The following EML5 variants were observed in gnomAD, a reference collection of about 807,000 sequenced individuals.
The protein encoded by EML5 is echinoderm microtubule-associated protein-like 5.
Under a neutral mutation model 250.0 loss-of-function variants are expected in EML5, and 120 were observed. The ratio of observed to expected loss-of-function variants is 0.48; its 90% CI spans 0.41 to 0.56. The LOEUF (loss-of-function observed/expected upper bound fraction) is 0.56, where lower values mean the gene tolerates loss of function less well. Among genes scored for constraint, EML5 ranks in the 20% least tolerant of loss-of-function variants. The pLI, the probability that EML5 is intolerant of heterozygous loss-of-function variation, is 0.00. For synonymous variants in EML5, 771 were observed against 806.5 expected (o/e 0.96, Z 0.75); for missense variants, 2,006 against 2,437.6 (o/e 0.82, Z 3.73).
chr14:88,699,930 G>A (rs2093168791), intron 14 of EML5, among the ~76,000 whole-genome samples: 1 of 152,066 alleles, frequency 6.6e-6, no homozygotes, highest in Non-Finnish European at 1.5e-5. Context: ...CTAAATCAGT[G>A]TATTTTTAGT....
rs771757390 is a variant in EML5 at position 88,688,482 on chromosome 14, C to CA, written c.2540-10dup. On this transcript the variant is annotated splice_polypyrimidine_tract_variant and intron_variant, in intron 17 of 43. Transcript: ENST00000554922. ...TCCAATCAATCCTCCCCCTAGTTCA[C>CA]AAAAAATATTATGAAAGTACCACTT... The CA allele has an allele frequency of 1.9e-5, 30 of 1,610,036 alleles. No homozygotes were observed. In the South Asian group the frequency reaches 1.9e-4, roughly 10 times the overall value.
intron 28 of EML5, 103 bp from the exon 29 acceptor site, chr14:88,647,058 G>C: frequency 9.0e-7 from 1 of 1,117,234 alleles, no homozygotes; most frequent in Non-Finnish European, 1.3e-6. Flanking sequence ...CAAGTTTAAT[G>C]CAGACAGCTA....
chr14:88,706,506 A>T (rs1486254089), intron 10 of EML5, 80 bp from the exon 11 acceptor site: 6 of 1,052,276 alleles, frequency 5.7e-6, no homozygotes, highest in Non-Finnish European at 7.8e-6. Flanking sequence ...TATATGAACC[A>T]CTGTATCATC....
At chr14:88,789,295 C>T (rs1233111247) in intron 1 of EML5, among the ~76,000 whole-genome samples, 1 of 151,832 alleles carries the variant, frequency 6.6e-6, no homozygotes, top group African/African-American at 2.4e-5. Context: ...AGAAAAAGAA[C>T]AAAAAAGTGA....
intron 7 of EML5, among the ~76,000 whole-genome samples, chr14:88,726,940 C>T (rs939862039): frequency 6.6e-6 from 1 of 152,146 alleles, no homozygotes; most frequent in African/African-American, 2.4e-5. Context: ...GTGATCATAG[C>T]TTACTATAAC....
At chr14:88,704,804 G>T in intron 13 of EML5, 56 bp downstream of exon 13, 1 of 1,277,588 alleles carries the variant, frequency 7.8e-7, no homozygotes, top group Non-Finnish European at 1.1e-6. Context: ...GAGATGTTAA[G>T]CTAGTAAGTG....
chr14:88,699,297 A>C (rs1400062678), intron 14 of EML5, among the ~76,000 whole-genome samples: 1 of 152,124 alleles, frequency 6.6e-6, no homozygotes, highest in Non-Finnish European at 1.5e-5. Flanking sequence ...AGAAGGCAAA[A>C]AAATAGTTTA....
rs116202825 is a variant in EML5 at position 88,783,903 on chromosome 14, G to A, written c.197+8404C>T. 5.7e-3 allele frequency among the ~76,000 whole-genome samples: 862 copies of A among 152,330 alleles called. 7 individuals are homozygous for A. Among genetic ancestry groups the A allele is most frequent in the African/African-American group, 0.02 (831 of 41,580 alleles). Reference sequence around the variant, plus strand: ...TGGATTATTCTCAAGGATAGACTGTGTGTTGGGTCATAAGACAAGTCTTAA... The same window carrying A: ...TGGATTATTCTCAAGGATAGACTGTATGTTGGGTCATAAGACAAGTCTTAA... On this transcript the variant is annotated intron_variant, in intron 1 of 43. Coordinates refer to ENST00000554922, the MANE Select transcript of EML5 (RefSeq NM_183387.3).
At chr14:88,775,086 T>C (rs2094434121) in intron 1 of EML5, among the ~76,000 whole-genome samples, 1 of 152,164 alleles carries the variant, frequency 6.6e-6, no homozygotes. Flanking sequence ...TGAATAGCCC[T>C]TGGGCCCTGA....
At chr14:88,773,356 T>C (rs1366272146) in intron 1 of EML5, among the ~76,000 whole-genome samples, 3 of 152,238 alleles carry the variant, frequency 2.0e-5, no homozygotes, top group Non-Finnish European at 1.5e-5. Flanking sequence ...ACAAAAACTT[T>C]GCTTGGTAAT....
Position 88,738,906 on chromosome 14 carries a change from GATCA to G in EML5, c.816_819del (p.Asp273SerfsTer13), listed in dbSNP as rs1439451079. ...TTGTATCCCTGGTCTGTTTCCCTGA[GATCA>G]ATCACAGTAATTGGTTTAAAAGTTA... is the stretch of plus-strand genomic sequence containing the variant. On this transcript the variant is annotated frameshift_variant, in exon 6 of 44. Transcript: ENST00000554922. LOFTEE classifies it high-confidence loss of function. The G allele has an allele frequency of 6.3e-7, 1 of 1,581,074 alleles. No homozygotes were observed. The highest frequency in any genetic ancestry group is 8.6e-7 in the Non-Finnish European group (1 of 1,162,490).
At chr14:88,684,352 A>T (rs1164085395) in intron 20 of EML5, among the ~76,000 whole-genome samples, 2 of 61,996 alleles carry the variant, frequency 3.2e-5, no homozygotes, top group South Asian at 5.6e-4. Context: ...TTGTATTCTT[A>T]GTAGAGACGG....
At chr14:88,680,304 A>G (rs1236601413) in intron 21 of EML5, among the ~76,000 whole-genome samples, 4 of 152,160 alleles carry the variant, frequency 2.6e-5, no homozygotes, top group Admixed American at 6.5e-5. Context: ...TATTACAACC[A>G]TATCTCAGGA....
intron 1 of EML5, among the ~76,000 whole-genome samples, chr14:88,784,887 C>T (rs114228319): frequency 0.049 from 7,493 of 152,230 alleles, 496 homozygotes; most frequent in South Asian, 0.16. Context: ...GAGATATCTA[C>T]ACTCCAATGT....
intron 10 of EML5, among the ~76,000 whole-genome samples, chr14:88,708,933 A>G (rs1391171258): frequency 6.6e-6 from 1 of 152,118 alleles, no homozygotes; most frequent in Non-Finnish European, 1.5e-5. Context: ...ATGATCATAG[A>G]AGCTTCCTAA....
At chr14:88,714,118 G>A (rs1362028793) in intron 9 of EML5, among the ~76,000 whole-genome samples, 1 of 152,064 alleles carries the variant, frequency 6.6e-6, no homozygotes, top group Non-Finnish European at 1.5e-5. Context: ...GATTACAGGC[G>A]TGAGCCACTA....
At chr14:88,644,549 C>T (rs1243179343) in intron 29 of EML5, 38 bp from the exon 30 acceptor site, 4 of 1,585,078 alleles carry the variant, frequency 2.5e-6, no homozygotes, top group South Asian at 1.1e-5. Context: ...AGGCATGCAG[C>T]ACTCAGTGCC....
At chr14:88,634,810 G>T (rs1010044484) in intron 32 of EML5, among the ~76,000 whole-genome samples, 1 of 152,104 alleles carries the variant, frequency 6.6e-6, no homozygotes, top group Non-Finnish European at 1.5e-5. Flanking sequence ...TTATAAAAAT[G>T]TACTGCTAAT....
At chr14:88,615,883 G>A (rs1567008308) in intron 43 of EML5, 29 bp from the exon 44 acceptor site, 1 of 1,599,696 alleles carries the variant, frequency 6.3e-7, no homozygotes. Flanking sequence ...ATTGCAGGGA[G>A]TTAATTATGT....
Sources: gnomAD v4.1 joint callset for allele counts (sites outside exome capture counted in the v4.1 genomes callset) on GRCh38, gnomAD v4.1.1 for gene constraint, MANE v1.5 for transcripts, NCBI Gene and HGNC (gene_info 2026-07-23, HGNC 2026-07-21) for gene names.